TLN2: variants seen among roughly 807,000 people sequenced by gnomAD.
The protein encoded by TLN2 is talin-2.
A neutral mutation model predicts 294.7 loss-of-function variants in TLN2; 118 were observed. That is an observed-to-expected ratio of 0.40 (90% CI 0.34 to 0.47). The LOEUF is 0.47. Ranked by LOEUF, TLN2 falls within the 20% of genes least tolerant of loss-of-function variation. The pLI is 0.84. For synonymous variants in TLN2, 1,431 were observed against 1,304.5 expected (o/e 1.10, Z -2.09); for missense variants, 3,083 against 3,282.2 (o/e 0.94, Z 1.48).
intron 1 of TLN2, among the ~76,000 whole-genome samples, chr15:62,583,914 A>G (rs1461619958): frequency 6.6e-6 from 1 of 152,164 alleles, no homozygotes; most frequent in Admixed American, 6.5e-5. Context: ...TTTGGTTGTG[A>G]AAAGCTCATA....
At position 62,835,753 on chromosome 15, in the gene TLN2, C is replaced by G; in HGVS notation, c.7145C>G (p.Ala2382Gly). Residue 2382 changes from alanine (A) to glycine (G), a missense_variant, in exon 56 of 59, where the codon GCC (alanine) becomes GGC (glycine). Coordinates refer to ENST00000636159, the MANE Select transcript of TLN2 (RefSeq NM_015059.3). The part of the protein sequence containing the change: ...VAQGKVGSIP[A>G]NAADDGQWSQ... ...ACTCTCTAGGTGGGCTCCATCCCTG[C>G]CAATGCTGCAGACGACGGACAGTGG... 6.2e-7 allele frequency: 1 copy of G among 1,614,190 alleles called. No individual in the cohort carries two copies. Among genetic ancestry groups the G allele is most frequent in the Non-Finnish European group, 8.5e-7 (1 of 1,180,040 alleles).
intron 1 of TLN2, among the ~76,000 whole-genome samples, chr15:62,549,107 A>G (rs1406484157): frequency 6.6e-6 from 1 of 152,140 alleles, no homozygotes; most frequent in African/African-American, 2.4e-5. Context: ...TGTAGAGTCA[A>G]TTAGCTGCCT....
In TLN2 at chr15:62,740,785, A is replaced by G; in HGVS notation, c.4025+16A>G. 6.2e-7 allele frequency: 1 copy of G among 1,614,052 alleles called. No individual in the cohort carries two copies. The highest frequency in any genetic ancestry group is 8.5e-7 in the Non-Finnish European group (1 of 1,180,000). ...CAGCTGCAAGGTAGGAGTGGGACAC[A>G]ATGTGCTTTCGTGTGTGGTTAGACA... is the stretch of plus-strand genomic sequence containing the variant. On this transcript the variant is annotated intron_variant, in intron 32 of 58. Transcript: ENST00000636159.
At chr15:62,637,366 A>C (rs546901343) in intron 3 of TLN2, 5 of 152,208 alleles carry the variant, frequency 3.3e-5, no homozygotes, top group Non-Finnish European at 7.3e-5. Flanking sequence ...AGAGGAGGAA[A>C]ATAGCAGGAC....
intron 1 of TLN2, among the ~76,000 whole-genome samples, chr15:62,406,310 C>T (rs2033401654): frequency 6.6e-6 from 1 of 152,154 alleles, no homozygotes; most frequent in South Asian, 2.1e-4. Flanking sequence ...CATTGTTGTC[C>T]CTCTGATGCA....
At chr15:62,807,960 C>T (rs539063090) in intron 51 of TLN2, among the ~76,000 whole-genome samples, 2 of 152,254 alleles carry the variant, frequency 1.3e-5, no homozygotes, top group African/African-American at 2.4e-5. Context: ...CGAAAGGGAG[C>T]GCATGCAATA....
At chr15:62,596,305 T>C (rs1305315136) in intron 2 of TLN2, among the ~76,000 whole-genome samples, 2 of 146,916 alleles carry the variant, frequency 1.4e-5, no homozygotes, top group Admixed American at 1.4e-4. Flanking sequence ...TTGCTCAGAG[T>C]AGATTTTAAG....
At chr15:62,811,159 A>C (rs1250824864) in intron 52 of TLN2, among the ~76,000 whole-genome samples, 1 of 152,200 alleles carries the variant, frequency 6.6e-6, no homozygotes, top group East Asian at 1.9e-4. Context: ...TAAACATTTT[A>C]GGTCATTTAA....
At chr15:62,402,539 G>A (rs1272356174) in intron 1 of TLN2, among the ~76,000 whole-genome samples, 1 of 152,080 alleles carries the variant, frequency 6.6e-6, no homozygotes, top group Non-Finnish European at 1.5e-5. Flanking sequence ...ACTGTCCTCG[G>A]AAAGAAAACC....
chr15:62,696,457 A>G (rs368418644), intron 14 of TLN2, among the ~76,000 whole-genome samples: 2 of 152,232 alleles, frequency 1.3e-5, no homozygotes, highest in East Asian at 1.9e-4. Flanking sequence ...CTGTATTCCC[A>G]GCACTTTGGG....
At chr15:62,799,962 C>T (rs1334995539) in intron 48 of TLN2, among the ~76,000 whole-genome samples, 3 of 152,208 alleles carry the variant, frequency 2.0e-5, no homozygotes, top group Non-Finnish European at 2.9e-5. Context: ...GAGAGGCAGG[C>T]AGGGCTGTTG....
chr15:62,799,893 T>C (rs1427038480), intron 48 of TLN2, among the ~76,000 whole-genome samples: 4 of 152,164 alleles, frequency 2.6e-5, no homozygotes, highest in Admixed American at 1.3e-4. Context: ...GAGTTGAGAT[T>C]TCCCATGGAG....
chr15:62,815,856 A>G (rs2067067154), intron 52 of TLN2, among the ~76,000 whole-genome samples: 1 of 152,182 alleles, frequency 6.6e-6, no homozygotes, highest in Admixed American at 6.5e-5. Context: ...ATAATAATAC[A>G]TTTTGTATCT....
At position 62,647,456 on chromosome 15, in the gene TLN2, G is replaced by GGGTTATTTAC. The variant is rs1371081191; in HGVS notation, c.136+11_136+20dup. 6.2e-7 allele frequency: 1 copy of GGGTTATTTAC among 1,613,404 alleles called. No homozygotes were observed. Among genetic ancestry groups the GGGTTATTTAC allele is most frequent in the Admixed American group, 1.7e-5 (1 of 59,812 alleles). The stretch of plus-strand genomic sequence containing the variant: ...GCACAAACTGGGCAAGGTAGGTCAT[G>GGGTTATTTAC]GGTTATTTACTGGCTTCTTAAAACG... On this transcript the variant is annotated intron_variant, in intron 4 of 58. Transcript: ENST00000636159.
intron 3 of TLN2, chr15:62,638,456 C>T: frequency 2.2e-6 from 1 of 445,164 alleles, no homozygotes; most frequent in Admixed American, 2.4e-5. Context: ...CCAAGAACTA[C>T]CTGGCAATGG....
intron 3 of TLN2, among the ~76,000 whole-genome samples, chr15:62,633,358 G>GTGA (rs796541802): frequency 9.2e-5 from 14 of 152,344 alleles, no homozygotes; most frequent in African/African-American, 3.4e-4. Context: ...GTACGGTGAT[G>GTGA]TGATCATAGC....
chr15:62,459,299 CTTTTT>C (rs35344244), intron 1 of TLN2, among the ~76,000 whole-genome samples: 1 of 130,536 alleles, frequency 7.7e-6, no homozygotes, highest in Non-Finnish European at 1.6e-5. Context: ...CACGCTCGGC[CTTTTT>C]TTTTTTTTTT....
chr15:62,675,343 G>C (rs777065666), intron 11 of TLN2, 22 bp downstream of exon 11: 1 of 1,611,466 alleles, frequency 6.2e-7, no homozygotes, highest in Admixed American at 1.7e-5. Context: ...AGAATGGGGA[G>C]AGTGTTCACC....
chr15:62,738,479 G>A lies in TLN2; in HGVS notation c.3687+146G>A, dbSNP rs1011592929. 9 of 1,229,620 alleles carry A rather than the reference G, an allele frequency of 7.3e-6. No individual in the cohort carries two copies. In the African/African-American group the frequency reaches 1.2e-4, roughly 17 times the overall value. The allele number at this position is 1,229,620 out of a possible 1,614,324, so 76.2% of individuals were successfully genotyped here. A position where few individuals can be genotyped will look rare whatever the true frequency, so the allele number is the denominator to read the frequency against. ...TTTCCCGCCAGTCTTTGTTTTCCATGTTTTGCTGTCTGATCAACAAAGTTC... is the reference window on the plus strand; with the variant it reads ...TTTCCCGCCAGTCTTTGTTTTCCATATTTTGCTGTCTGATCAACAAAGTTC... On this transcript the variant is annotated intron_variant, in intron 30 of 58. Transcript: ENST00000636159.
Sources: gnomAD v4.1 joint callset for allele counts (sites outside exome capture counted in the v4.1 genomes callset) on GRCh38, gnomAD v4.1.1 for gene constraint, MANE v1.5 for transcripts, NCBI Gene and HGNC (gene_info 2026-07-23, HGNC 2026-07-21) for gene names.